The following DECR2 variants were observed in gnomAD, a reference collection of about 807,000 sequenced individuals.
DECR2 encodes 2,4-dienoyl-CoA reductase 2, also known as peroxisomal 2,4-dienoyl-CoA reductase [(3E)-enoyl-CoA-producing].
In DECR2, 34 loss-of-function variants were observed where a neutral mutation model predicts 29.2. That is an observed-to-expected ratio of 1.16 (90% CI 0.89 to 1.55). The LOEUF is 1.55. DECR2 is among the 40% of genes most tolerant of loss of function. The probability of loss-of-function intolerance (pLI) is 0.00; values close to 1 mark genes in which losing one functional copy is unlikely to be tolerated. For synonymous variants in DECR2, 224 were observed against 182.7 expected, an observed-to-expected ratio of 1.23 and a Z score of -1.82; for missense variants, 485 against 425.3, an observed-to-expected ratio of 1.14 and a Z score of -1.23.
chr16:408,195 C>T (rs1465868310), intron 4 of DECR2, among the ~76,000 whole-genome samples: 1 of 131,252 alleles, frequency 7.6e-6, no homozygotes, highest in Non-Finnish European at 1.6e-5. Flanking sequence ...CTGTCTCCGG[C>T]CCCCTGTCTC....
chr16:407,369 CT>C, intron 3 of DECR2, 55 bp from the exon 4 acceptor site: 2 of 1,547,660 alleles, frequency 1.3e-6, no homozygotes, highest in Non-Finnish European at 1.7e-6. Context: ...TTCCAAAGGC[CT>C]TTTCTCCAGG....
At chr16:411,302 A>G in intron 7 of DECR2, 59 bp from the exon 8 acceptor site, 1 of 1,499,572 alleles carries the variant, frequency 6.7e-7, no homozygotes, top group Non-Finnish European at 9.0e-7. Flanking sequence ...GAGCTGGGGG[A>G]GAGGGGAGGG....
At position 411,562 on chromosome 16, in the gene DECR2, T is replaced by C; in HGVS notation, c.863T>C (p.Phe288Ser). The C allele has an allele frequency of 6.2e-7, 1 of 1,613,020 alleles. No homozygotes were observed. Residue 288 changes from phenylalanine (F) to serine (S), a missense_variant, in exon 8 of 9, where the codon TTC (phenylalanine) becomes TCC (serine). Coordinates refer to ENST00000219481, the MANE Select transcript of DECR2 (RefSeq NM_020664.4). Reference protein sequence around the residue: ...GVKGLPDFASFSAKL With the variant: ...GVKGLPDFASSSAKL ...AAAGGGCTGCCGGATTTCGCATCCT[T>C]CTCTGCTAAGCTCTAGGTGAGGTAC...
Position 401,890 on chromosome 16 carries a change from C to G in DECR2, c.-74C>G, listed in dbSNP as rs952069797. 1.5e-6 allele frequency: 2 copies of G among 1,332,710 alleles called. No individual in the cohort carries two copies. The highest frequency in any genetic ancestry group is 9.8e-7 in the Non-Finnish European group (1 of 1,022,026). 82.6% of individuals were successfully genotyped at this position (1,332,710 alleles called of 1,614,324 possible). Reference sequence around the variant, plus strand: ...CGGGGCTCCCGGTTCCAGGCGAGTTCGCAGCTGCGCGCCGGGTCCTGGAGG... The same window carrying G: ...CGGGGCTCCCGGTTCCAGGCGAGTTGGCAGCTGCGCGCCGGGTCCTGGAGG... On this transcript the variant is annotated 5_prime_UTR_variant, in exon 1 of 9. Coordinates refer to ENST00000219481, the MANE Select transcript of DECR2 (RefSeq NM_020664.4).
chr16:405,195 G>A, intron 2 of DECR2, 171 bp downstream of exon 2: 1 of 745,710 alleles, frequency 1.3e-6, no homozygotes, highest in Non-Finnish European at 2.2e-6. Context: ...GATTGCCCTG[G>A]GGGGAGTCAG....
chr16:410,822 G>C lies in DECR2; in HGVS notation c.556+38G>C. On this transcript the variant is annotated intron_variant, in intron 6 of 8. Transcript: ENST00000219481. This position sits in a 1 kb window ranked among gnomAD's most constrained non-coding sequence, Gnocchi z 4.1. ...CCCCCCGCCCAGGTTTGCCCACGTG[G>C]GTCCCCAATGGGCCGTCTGCTTCCA... 6.5e-7 allele frequency: 1 copy of C among 1,546,404 alleles called. No homozygotes were observed.
intron 4 of DECR2, chr16:409,974 C>G: frequency 2.0e-6 from 1 of 510,826 alleles, no homozygotes; most frequent in Non-Finnish European, 3.5e-6. Flanking sequence ...TCGATTATCT[C>G]TGCAACCCAC....
chr16:402,485 G>A (rs962289919), intron 1 of DECR2, among the ~76,000 whole-genome samples: 6 of 151,930 alleles, frequency 3.9e-5, no homozygotes, highest in African/African-American at 1.5e-4. Context: ...TCATTTTTCC[G>A]GAAGACCCAG....
At chr16:411,607 C>G in intron 8 of DECR2, 29 bp downstream of exon 8, 1 of 1,586,802 alleles carries the variant, frequency 6.3e-7, no homozygotes, top group Non-Finnish European at 8.6e-7. Flanking sequence ...TTCTTGGGGT[C>G]ATCTGTGTCC....
chr16:405,698 G>A (rs1381106459), intron 2 of DECR2: 10 of 968,462 alleles, frequency 1.0e-5, no homozygotes, highest in Admixed American at 2.3e-5. Context: ...GGGCAGAAGC[G>A]TAGTCTTGGG....
chr16:408,288 C>T lies in DECR2; in HGVS notation c.337+728C>T, dbSNP rs568876484. ...GGGCCTCTGTCTCCGGCCCCATCTC[C>T]GGCCCCCTGTCTCCGGGCTTCTGTC... On this transcript the variant is annotated intron_variant, in intron 4 of 8. Transcript: ENST00000219481. Among the ~76,000 whole-genome samples, 31 of 149,342 alleles carry T rather than the reference C, an allele frequency of 2.1e-4. No individual in the cohort carries two copies. In the South Asian group the frequency reaches 5.9e-3, roughly 29 times the overall value.
intron 3 of DECR2, chr16:407,055 C>T: frequency 9.4e-7 from 1 of 1,062,524 alleles, no homozygotes; most frequent in Non-Finnish European, 1.1e-6. Context: ...CAAGAAAGAC[C>T]TCTGGGCTCA....
Position 407,530 on chromosome 16 carries a change from G to T in DECR2, c.307G>T (p.Glu103Ter), listed in dbSNP as rs537678187. The change falls in exon 4 of 9, where the codon GAG (glutamate) becomes TAG (stop). Residue 103 changes from glutamate (E) to a stop codon, truncating the protein, a stop_gained. Coordinates refer to ENST00000219481, the MANE Select transcript of DECR2 (RefSeq NM_020664.4). LOFTEE classifies it high-confidence loss of function. ...VMAAVDQALK[E>*]FGRIDILINC... is the part of the protein sequence containing the mutation. Reference sequence around the variant, plus strand: ...GGCCGCCGTGGACCAGGCTCTGAAGGAGTTTGGCAGAATCGACATTCTCAT... The same window carrying T: ...GGCCGCCGTGGACCAGGCTCTGAAGTAGTTTGGCAGAATCGACATTCTCAT... 4 of 1,614,082 alleles carry T rather than the reference G, an allele frequency of 2.5e-6. 1 individual carries two copies. In the South Asian group the frequency reaches 3.3e-5, roughly 13 times the overall value.
At position 410,172 on chromosome 16, in the gene DECR2, C is replaced by T; in HGVS notation, c.338-71C>T. On this transcript the variant is annotated intron_variant, in intron 4 of 8. Transcript: ENST00000219481. The surrounding 1 kb of genome is among the most constrained non-coding windows in gnomAD (Gnocchi z 4.1). Reference sequence around the variant, plus strand: ...TCCCTCCTGCACCCTCCGCTCTGCCCACCTGGCCACCACCCACTTGGCATC... The same window carrying T: ...TCCCTCCTGCACCCTCCGCTCTGCCTACCTGGCCACCACCCACTTGGCATC... 6.4e-7 allele frequency: 1 copy of T among 1,567,700 alleles called. No individual in the cohort carries two copies. Among genetic ancestry groups the T allele is most frequent in the Non-Finnish European group, 8.7e-7 (1 of 1,155,420 alleles).
Position 402,054 on chromosome 16 carries a change from C to A in DECR2, c.80+11C>A. On this transcript the variant is annotated intron_variant, in intron 1 of 8. Coordinates refer to ENST00000219481, the MANE Select transcript of DECR2 (RefSeq NM_020664.4). ...CCCGGACCTGCTGCGGTGAGCGGGGCCTGGGAAGCGAGCGCAGCCTTGGTG... is the reference window on the plus strand; with the variant it reads ...CCCGGACCTGCTGCGGTGAGCGGGGACTGGGAAGCGAGCGCAGCCTTGGTG... 1 of 1,383,682 alleles carries A rather than the reference C, an allele frequency of 7.2e-7. No homozygotes were observed. The highest frequency in any genetic ancestry group is 9.4e-7 in the Non-Finnish European group (1 of 1,065,846). The allele number at this position is 1,383,682 out of a possible 1,614,324, so 85.7% of individuals were successfully genotyped here.
intron 2 of DECR2, among the ~76,000 whole-genome samples, chr16:405,864 T>C (rs1490803610): frequency 6.6e-6 from 1 of 152,216 alleles, no homozygotes. Context: ...TTGTGCTCTT[T>C]CGCAAGAACA....
chr16:402,072 C>A, intron 1 of DECR2, 29 bp downstream of exon 1: 1 of 1,329,412 alleles, frequency 7.5e-7, no homozygotes, highest in East Asian at 3.1e-5. Flanking sequence ...GCGAGCGCAG[C>A]CTTGGTGCGG....
At chr16:407,730 C>T (rs1009665574) in intron 4 of DECR2, 170 bp downstream of exon 4, 67 of 1,117,424 alleles carry the variant, frequency 6.0e-5, no homozygotes, top group Non-Finnish European at 7.9e-5. Context: ...GGCTCCGGCC[C>T]CCTGTCTCCG....
rs1036363544 is a variant in DECR2, at chr16:403,074, G to A, written c.80+1031G>A. On this transcript the variant is annotated intron_variant, in intron 1 of 8. Transcript: ENST00000219481. Reference sequence around the variant, plus strand: ...CAGGAAAAAAAAAAAGTTTTTTTTCGAAACGGAGTCTCATTCTGGGTTGAA... The same window carrying A: ...CAGGAAAAAAAAAAAGTTTTTTTTCAAAACGGAGTCTCATTCTGGGTTGAA... The A allele has an allele frequency of 8.2e-6, 8 of 972,720 alleles. No individual in the cohort carries two copies. The South Asian group carries it at 3.3e-4, about 41-fold the overall frequency. The allele number at this position is 972,720 out of a possible 1,614,324, so 60.3% of individuals were successfully genotyped here.
Sources: allele counts gnomAD v4.1 joint callset (sites outside exome capture counted in the v4.1 genomes callset), GRCh38; gene constraint gnomAD v4.1.1; non-coding constraint Gnocchi (gnomAD v3.1); transcripts MANE v1.5; gene names NCBI Gene and HGNC (gene_info 2026-07-23, HGNC 2026-07-21).